Variants in KLF8 observed in about 807,000 individuals in gnomAD.
The protein encoded by KLF8 is Krueppel-like factor 8.
A neutral mutation model predicts 18.2 loss-of-function variants in KLF8; 10 were observed. That is an observed-to-expected ratio of 0.55 (90% confidence interval 0.34 to 0.93). The LOEUF is 0.93. Among genes scored for constraint, KLF8 ranks in the 40% least tolerant of loss-of-function variants. The pLI, the probability that KLF8 is intolerant of heterozygous loss-of-function variation, is 0.02. For missense variants in KLF8, 264 were observed against 277.9 expected (o/e 0.95, Z 0.36); for synonymous variants, 109 against 97.3 (o/e 1.12, Z -0.71).
the KLF8 span, among the ~76,000 whole-genome samples, chrX:56,032,698 T>A: frequency 8.9e-6 from 1 of 112,563 alleles, no homozygotes. Context: ...TTCTATTGTA[T>A]GAATATAGCA....
At chrX:56,178,436 C>T in the KLF8 span, among the ~76,000 whole-genome samples, 1 of 111,991 alleles carries the variant, frequency 8.9e-6, no homozygotes, top group East Asian at 2.8e-4. Flanking sequence ...TGTAGGTTGC[C>T]TGTTCACTCT....
At chrX:56,131,670 T>G in the KLF8 span, among the ~76,000 whole-genome samples, 72 of 111,813 alleles carry the variant, frequency 6.4e-4, no homozygotes, top group Admixed American at 5.5e-3. Flanking sequence ...GCCTAAATGC[T>G]CTATTAAAAA....
the KLF8 span, among the ~76,000 whole-genome samples, chrX:56,108,656 A>T: frequency 1.8e-5 from 2 of 110,789 alleles, no homozygotes; most frequent in South Asian, 3.7e-4. Flanking sequence ...GGTCTTTAAA[A>T]TTTTTTTCCT....
chrX:56,078,953 A>T, the KLF8 span, among the ~76,000 whole-genome samples: 2 of 109,906 alleles, frequency 1.8e-5, no homozygotes, highest in Non-Finnish European at 3.8e-5. Context: ...GTATTCTCTG[A>T]TGGTAGTTTG....
intron 1 of KLF8, among the ~76,000 whole-genome samples, chrX:56,245,183 G>A (rs1431318978): frequency 8.9e-6 from 1 of 112,148 alleles, no homozygotes; most frequent in African/African-American, 3.2e-5. Context: ...AAAGCACAAG[G>A]TCTTTCTTAG....
chrX:56,198,966 C>T, the KLF8 span, among the ~76,000 whole-genome samples: 5 of 111,536 alleles, frequency 4.5e-5, no homozygotes, highest in African/African-American at 1.6e-4. Flanking sequence ...CTGTGACAAT[C>T]CTCACCAAAA....
chrX:56,104,283 G>T, the KLF8 span, among the ~76,000 whole-genome samples: 1 of 111,445 alleles, frequency 9.0e-6, no homozygotes, highest in Non-Finnish European at 1.9e-5. Context: ...GTTTCAGAAG[G>T]AATGGTGCCA....
the KLF8 span, among the ~76,000 whole-genome samples, chrX:55,998,136 A>G: frequency 2.7e-5 from 3 of 112,640 alleles, no homozygotes; most frequent in African/African-American, 9.7e-5. Flanking sequence ...ATTGCTGCCC[A>G]CATGTCCCAC....
the KLF8 span, among the ~76,000 whole-genome samples, chrX:56,033,801 A>G: frequency 8.9e-6 from 1 of 111,987 alleles, no homozygotes; most frequent in Admixed American, 9.4e-5. Flanking sequence ...GGCCATTTGT[A>G]TGTCTTCTTT....
chrX:56,281,697 C>T (rs2067203520), intron 5 of KLF8, among the ~76,000 whole-genome samples: 1 of 112,331 alleles, frequency 8.9e-6, no homozygotes, highest in African/African-American at 3.2e-5. Flanking sequence ...GCATGAGCCA[C>T]CGCACCTGCC....
chrX:56,093,931 G>A, the KLF8 span, among the ~76,000 whole-genome samples: 28 of 102,972 alleles, frequency 2.7e-4, no homozygotes, highest in Non-Finnish European at 5.2e-4. Flanking sequence ...GTGTGTGTGT[G>A]TGTGTGTGTG....
the KLF8 span, among the ~76,000 whole-genome samples, chrX:56,215,770 C>T: frequency 3.5e-5 from 3 of 84,956 alleles, no homozygotes; most frequent in East Asian, 1.2e-3. Context: ...TTCCAGTGAG[C>T]TAAGATCATG....
chrX:56,207,555 T>C, the KLF8 span, among the ~76,000 whole-genome samples: 1 of 111,739 alleles, frequency 8.9e-6, no homozygotes, highest in Non-Finnish European at 1.9e-5. Context: ...GCCACCAGTC[T>C]CTTTGCTAAA....
the KLF8 span, among the ~76,000 whole-genome samples, chrX:55,940,050 A>G: frequency 8.9e-6 from 1 of 111,823 alleles, no homozygotes; most frequent in Admixed American, 9.5e-5. Context: ...TCCTGATACC[A>G]AAGCCTGGCA....
the KLF8 span, among the ~76,000 whole-genome samples, chrX:55,983,361 T>A: frequency 9.0e-6 from 1 of 111,381 alleles, no homozygotes; most frequent in African/African-American, 3.3e-5. Context: ...AAGGAATAGG[T>A]TAACCATTTT....
the KLF8 span, among the ~76,000 whole-genome samples, chrX:55,958,346 T>TGG: frequency 8.9e-6 from 1 of 111,771 alleles, no homozygotes; most frequent in Non-Finnish European, 1.9e-5. Flanking sequence ...GGTTGGGCAG[T>TGG]GGGGGGAGTG....
the KLF8 span, among the ~76,000 whole-genome samples, chrX:56,167,383 G>A: frequency 8.9e-6 from 1 of 111,971 alleles, no homozygotes; most frequent in African/African-American, 3.2e-5. Flanking sequence ...GCTCGTCTAT[G>A]CCTCCCAAAG....
At chrX:56,138,758 A>G in the KLF8 span, among the ~76,000 whole-genome samples, 1 of 111,695 alleles carries the variant, frequency 9.0e-6, no homozygotes, top group South Asian at 3.7e-4. Flanking sequence ...AATCTGAAAA[A>G]GACAAGGATG....
chrX:55,961,607 C>T, the KLF8 span: 3 of 457,784 alleles, frequency 6.6e-6, no homozygotes, highest in Admixed American at 8.2e-5. Flanking sequence ...ATTTCTGGAA[C>T]TGCGACCTTA....
Sources: allele counts gnomAD v4.1 joint callset (sites outside exome capture counted in the v4.1 genomes callset), GRCh38; gene constraint gnomAD v4.1.1; transcripts MANE v1.5; gene names NCBI Gene and HGNC (gene_info 2026-07-23, HGNC 2026-07-21).